The following NHS variants were observed in gnomAD, a reference collection of about 807,000 sequenced individuals.
NHS encodes the protein actin remodeling regulator NHS.
Under a neutral mutation model 72.5 loss-of-function variants are expected in NHS, and 5 were observed. The ratio of observed to expected loss-of-function variants is 0.07; its 90% CI spans 0.04 to 0.14. NHS has a LOEUF of 0.14. Among genes scored for constraint, NHS ranks in the 10% least tolerant of loss-of-function variants. NHS has a pLI of 1.00. For synonymous variants in NHS, 464 were observed against 547.7 expected, an observed-to-expected ratio of 0.85 and a Z score of 2.13; for missense variants, 1,072 against 1,355.7, an observed-to-expected ratio of 0.79 and a Z score of 3.29.
At chrX:17,719,967 TCTCA>T (rs940941668) in intron 4 of NHS, among the ~76,000 whole-genome samples, 3 of 111,102 alleles carry the variant, frequency 2.7e-5, no homozygotes, top group African/African-American at 9.8e-5. Context: ...TCTCTCTCTC[TCTCA>T]ATCAGTTTCT....
Position 17,395,558 on chromosome X carries a change from T to A in NHS, c.565+19236T>A, listed in dbSNP as rs550254259. ...CCCTTTTGTATTCTCTAAGGTTGCT[T>A]GAAGGCTGGTGTAAATGAACTGTGG... is the stretch of plus-strand genomic sequence containing the variant. On this transcript the variant is annotated intron_variant, in intron 1 of 8. Transcript: ENST00000676302. Among the ~76,000 whole-genome samples the A allele has an allele frequency of 5.4e-4, 61 of 112,380 alleles. No homozygotes were observed. In the South Asian group the frequency reaches 0.022, roughly 40 times the overall value.
chrX:17,462,554 T>C (rs887039208), intron 1 of NHS, among the ~76,000 whole-genome samples: 1 of 112,085 alleles, frequency 8.9e-6, no homozygotes, highest in Admixed American at 9.4e-5. Flanking sequence ...CCAAGTACTT[T>C]ACATACGTTA....
At chrX:17,396,196 C>T (rs959971513) in intron 1 of NHS, among the ~76,000 whole-genome samples, 29 of 111,981 alleles carry the variant, frequency 2.6e-4, no homozygotes, top group South Asian at 3.7e-4. Flanking sequence ...TCATGATCCA[C>T]TATGAGAAAT....
intron 1 of NHS, among the ~76,000 whole-genome samples, chrX:17,443,331 G>A (rs1358391155): frequency 8.9e-6 from 1 of 111,880 alleles, no homozygotes; most frequent in Non-Finnish European, 1.9e-5. Context: ...TATAGATAGA[G>A]GTTCTTTGAG....
At position 17,375,422 on chromosome X, in the gene NHS, T is replaced by G. The variant is rs1569241151; in HGVS notation, c.-336T>G. The G allele has an allele frequency of 2.6e-6, 1 of 381,751 alleles. No homozygotes were observed. Among genetic ancestry groups the G allele is most frequent in the South Asian group, 6.1e-5 (1 of 16,372 alleles). The allele number at this position is 381,751 out of a possible 1,213,427, so 31.5% of individuals were successfully genotyped here. On this transcript the variant is annotated 5_prime_UTR_variant, in exon 1 of 9. Transcript: ENST00000676302. ...GCGGCGGCGACGGCAGTGGCCGGGGTGGCGACGGCGAGCACAGAAACGATG... is the reference window on the plus strand; with the variant it reads ...GCGGCGGCGACGGCAGTGGCCGGGGGGGCGACGGCGAGCACAGAAACGATG...
At chrX:17,712,701 T>C (rs1350244811) in intron 3 of NHS, among the ~76,000 whole-genome samples, 3 of 109,788 alleles carry the variant, frequency 2.7e-5, no homozygotes, top group African/African-American at 1.0e-4. Flanking sequence ...TGATTTGTTG[T>C]CAGCACCCTA....
intron 1 of NHS, among the ~76,000 whole-genome samples, chrX:17,394,004 G>GC (rs777802982): frequency 1.5e-4 from 17 of 110,909 alleles, no homozygotes; most frequent in East Asian, 5.7e-4. Flanking sequence ...ACGACATTCC[G>GC]CCCCCCCACC....
At chrX:17,615,160 AC>A (rs1276868805) in intron 1 of NHS, among the ~76,000 whole-genome samples, 13 of 45,383 alleles carry the variant, frequency 2.9e-4, no homozygotes, top group Admixed American at 7.0e-4. Context: ...GTGTATATAT[AC>A]TATATATATA....
At chrX:17,616,404 T>G (rs1255131416) in intron 1 of NHS, among the ~76,000 whole-genome samples, 1 of 112,701 alleles carries the variant, frequency 8.9e-6, no homozygotes, top group African/African-American at 3.2e-5. Flanking sequence ...TGAATATAGT[T>G]GTACCTTAGA....
At position 17,376,042 on chromosome X, in the gene NHS, C is replaced by A; in HGVS notation, c.285C>A (p.Ser95Arg). 1 of 1,070,385 alleles carries A rather than the reference C, an allele frequency of 9.3e-7. No homozygotes were observed. The highest frequency in any genetic ancestry group is 3.8e-5 in the Admixed American group (1 of 25,984). 88.2% of individuals were successfully genotyped at this position (1,070,385 alleles called of 1,213,427 possible). The change falls in exon 1 of 9, where the codon AGC (serine) becomes AGA (arginine). Residue 95 changes from serine to arginine, a missense_variant. Physicochemically the swap from Ser to Arg is moderately radical, Grantham distance 110. Transcript: ENST00000676302. ...AGGCGTCCGTGGCTGGCGAGGAGAGCACGGCGGGGATCCCGGAGGCGGCGC... is the reference window on the plus strand; with the variant it reads ...AGGCGTCCGTGGCTGGCGAGGAGAGAACGGCGGGGATCCCGGAGGCGGCGC... ...HGEASVAGEE[S>R]TAGIPEAAPA...
At chrX:17,564,035 C>T (rs2065429010) in intron 1 of NHS, among the ~76,000 whole-genome samples, 1 of 112,054 alleles carries the variant, frequency 8.9e-6, no homozygotes, top group South Asian at 3.7e-4. Context: ...TACATGCCCA[C>T]TCCCATACAG....
chrX:17,588,239 A>G (rs1266424198), intron 1 of NHS, among the ~76,000 whole-genome samples: 2 of 111,502 alleles, frequency 1.8e-5, no homozygotes, highest in Non-Finnish European at 3.8e-5. Context: ...CTATGCTCCC[A>G]CATAGCATTC....
At chrX:17,474,142 G>A (rs1196075321) in intron 1 of NHS, among the ~76,000 whole-genome samples, 7 of 111,025 alleles carry the variant, frequency 6.3e-5, no homozygotes, top group African/African-American at 9.8e-5. Context: ...AAGGTTTTAC[G>A]TGCCACATTT....
At chrX:17,565,331 C>G (rs970700647) in intron 1 of NHS, among the ~76,000 whole-genome samples, 1 of 112,056 alleles carries the variant, frequency 8.9e-6, no homozygotes, top group African/African-American at 3.3e-5. Flanking sequence ...CAGCCAAATC[C>G]AGTCAAATGA....
intron 4 of NHS, 52 bp downstream of exon 4, chrX:17,719,458 A>G: frequency 5.4e-6 from 5 of 921,995 alleles, no homozygotes; most frequent in Non-Finnish European, 7.3e-6. Context: ...CTGTCCAGAC[A>G]CTCTTCCTTT....
chrX:17,667,276 G>A (rs774240613), intron 1 of NHS, among the ~76,000 whole-genome samples: 8 of 112,334 alleles, frequency 7.1e-5, no homozygotes, highest in Non-Finnish European at 9.4e-5. Context: ...AGACTCTGCC[G>A]TTGGTTACGT....
chrX:17,698,222 A>G (rs1281015411), intron 3 of NHS, among the ~76,000 whole-genome samples: 1 of 111,857 alleles, frequency 8.9e-6, no homozygotes, highest in African/African-American at 3.2e-5. Context: ...CATGACCAAG[A>G]AAAAGAGAGA....
At chrX:17,616,877 A>T (rs770864752) in intron 1 of NHS, among the ~76,000 whole-genome samples, 26 of 112,587 alleles carry the variant, frequency 2.3e-4, no homozygotes, top group Middle Eastern at 4.6e-3. Context: ...CCCAATAGCC[A>T]CATGTGACTA....
At chrX:17,433,037 CT>C (rs950997565) in intron 1 of NHS, among the ~76,000 whole-genome samples, 8 of 106,129 alleles carry the variant, frequency 7.5e-5, no homozygotes, top group Admixed American at 1.0e-4. Context: ...TTTGCTCCCC[CT>C]TTTTTTTTTG....
Sources: gnomAD v4.1 joint callset for allele counts (sites outside exome capture counted in the v4.1 genomes callset) on GRCh38, gnomAD v4.1.1 for gene constraint, MANE v1.5 for transcripts, NCBI Gene and HGNC (gene_info 2026-07-23, HGNC 2026-07-21) for gene names.